PDE6D: variants seen among roughly 807,000 people sequenced by gnomAD.
PDE6D encodes phosphodiesterase 6D, also known as retinal rod rhodopsin-sensitive cGMP 3',5'-cyclic phosphodiesterase subunit delta.
In PDE6D, 10 loss-of-function variants were observed where a neutral mutation model predicts 21.9. That is an observed-to-expected ratio of 0.46 (90% CI 0.28 to 0.78). The LOEUF (loss-of-function observed/expected upper bound fraction) is 0.78, where lower values mean the gene tolerates loss of function less well. PDE6D is among the 30% of genes least tolerant of loss of function. PDE6D has a pLI of 0.12. For synonymous variants in PDE6D, 59 were observed against 63.5 expected, an observed-to-expected ratio of 0.93 and a Z score of 0.34; for missense variants, 139 against 184.8, an observed-to-expected ratio of 0.75 and a Z score of 1.44.
chr2:231,771,178 A>AG (rs2049012901), intron 1 of PDE6D, among the ~76,000 whole-genome samples: 2 of 151,670 alleles, frequency 1.3e-5, no homozygotes, highest in Non-Finnish European at 1.5e-5. Context: ...CGTGTTGGCC[A>AG]GGCTGGTCTC....
In PDE6D at chr2:231,739,109, C is replaced by G. The variant is rs773533899; in HGVS notation, c.130G>C (p.Glu44Gln). The G allele has an allele frequency of 6.2e-7, 1 of 1,607,502 alleles. No individual in the cohort carries two copies. The highest frequency in any genetic ancestry group is 1.7e-5 in the Admixed American group (1 of 59,904). ...AAGGGTTGGAAAGTACCTTCATGCT[C>G]CACACCAGGGACAGACAGGTCTTCT... ...GTEDLSVPGV[E>Q]HEARVPKKIL... The change falls in exon 2 of 5, where the codon GAG becomes CAG. Residue 44 changes from glutamate to glutamine, a missense_variant. Physicochemically the swap from Glu to Gln is conservative, Grantham distance 29 (BLOSUM62 2). Transcript: ENST00000287600. This position sits in a 1 kb window ranked among gnomAD's most constrained non-coding sequence, Gnocchi z 4.2.
chr2:231,775,598 C>T (rs937726481), intron 1 of PDE6D, among the ~76,000 whole-genome samples: 2 of 151,058 alleles, frequency 1.3e-5, no homozygotes, highest in African/African-American at 4.9e-5. Flanking sequence ...GCTGGGATTA[C>T]AGGCATGAGC....
intron 1 of PDE6D, among the ~76,000 whole-genome samples, chr2:231,760,948 T>C (rs1405553869): frequency 2.0e-5 from 3 of 152,164 alleles, no homozygotes; most frequent in Non-Finnish European, 4.4e-5. Context: ...GCCCTAACAA[T>C]GTCCAGGTAA....
At chr2:231,758,501 A>G (rs932953288) in intron 1 of PDE6D, among the ~76,000 whole-genome samples, 2 of 152,184 alleles carry the variant, frequency 1.3e-5, no homozygotes, top group African/African-American at 4.8e-5. Flanking sequence ...CATGTACAAC[A>G]GTGCTTCTCA....
chr2:231,739,653 A>G lies in PDE6D; in HGVS notation c.51-465T>C, dbSNP rs1156966731. 6.6e-6 allele frequency among the ~76,000 whole-genome samples: 1 copy of G among 151,596 alleles called. No individual in the cohort carries two copies. Among genetic ancestry groups the G allele is most frequent in the African/African-American group, 2.4e-5 (1 of 41,268 alleles). On this transcript the variant is annotated intron_variant, in intron 1 of 4. Coordinates refer to ENST00000287600, the MANE Select transcript of PDE6D (RefSeq NM_002601.4). This position sits in a 1 kb window ranked among gnomAD's most constrained non-coding sequence, Gnocchi z 4.2. ...GCCCCCTCTGTTTTTTTTTTTTGAA[A>G]CAGAGTCTCACTCTGTCACACAGGC...
chr2:231,736,321 C>CTT (rs139402410), intron 4 of PDE6D, among the ~76,000 whole-genome samples: 1 of 149,766 alleles, frequency 6.7e-6, no homozygotes, highest in Non-Finnish European at 1.5e-5. Flanking sequence ...GGGACTAACT[C>CTT]TTTTTTTTTT....
intron 1 of PDE6D, among the ~76,000 whole-genome samples, chr2:231,761,573 T>C (rs1203395150): frequency 6.6e-6 from 1 of 152,210 alleles, no homozygotes; most frequent in Non-Finnish European, 1.5e-5. Flanking sequence ...TCTAACAGTC[T>C]TGTTTAACTT....
chr2:231,746,501 G>A (rs922391724), intron 1 of PDE6D, among the ~76,000 whole-genome samples: 4 of 152,200 alleles, frequency 2.6e-5, no homozygotes, highest in Non-Finnish European at 5.9e-5. Flanking sequence ...GCCCAGGGAA[G>A]CCAAAAGATT....
chr2:231,743,737 A>T (rs2048769985), intron 1 of PDE6D, among the ~76,000 whole-genome samples: 1 of 151,962 alleles, frequency 6.6e-6, no homozygotes, highest in Non-Finnish European at 1.5e-5. Context: ...AAACAACTAA[A>T]TTCAAAAGCA....
rs1195520838 is a variant in PDE6D, at chr2:231,736,313, GACTA to G, written c.371+870_371+873del. Among the ~76,000 whole-genome samples, 6 of 149,012 alleles carry G rather than the reference GACTA, an allele frequency of 4.0e-5. No individual in the cohort carries two copies. The South Asian group carries it at 6.4e-4, about 16-fold the overall frequency. On this transcript the variant is annotated intron_variant, in intron 4 of 4. Coordinates refer to ENST00000287600, the MANE Select transcript of PDE6D (RefSeq NM_002601.4). ...TCCAATATTACACAATTATCTGTGG[GACTA>G]ACTCTTTTTTTTTTGAAATAGAGTC...
chr2:231,732,685 G>A lies in PDE6D; in HGVS notation c.*267C>T. 2.8e-6 allele frequency: 1 copy of A among 354,354 alleles called. No individual in the cohort carries two copies. Among genetic ancestry groups the A allele is most frequent in the South Asian group, 4.2e-5 (1 of 23,846 alleles). The allele number at this position is 354,354 out of a possible 1,614,324, so 22.0% of individuals were successfully genotyped here. ...TTTGTGGTATGTGTTTGTTCCCTGTGTGTATGCTGGGAAGGACTTGAGACC... is the reference window on the plus strand; with the variant it reads ...TTTGTGGTATGTGTTTGTTCCCTGTATGTATGCTGGGAAGGACTTGAGACC... On this transcript the variant is annotated 3_prime_UTR_variant, in exon 5 of 5. Coordinates refer to ENST00000287600, the MANE Select transcript of PDE6D (RefSeq NM_002601.4).
intron 3 of PDE6D, chr2:231,737,503 G>A (rs533664660): frequency 1.2e-4 from 60 of 494,884 alleles, no homozygotes; most frequent in African/African-American, 9.2e-4. Context: ...CTCATGCTTT[G>A]AGGTCTAAAG....
intron 1 of PDE6D, chr2:231,768,492 A>G (rs2048990175): frequency 1.3e-5 from 2 of 152,006 alleles, no homozygotes; most frequent in Admixed American, 6.6e-5. Flanking sequence ...GGTTCAGGCG[A>G]TTCTCCTGCC....
chr2:231,777,873 A>C (rs989775317), intron 1 of PDE6D, among the ~76,000 whole-genome samples: 1 of 152,258 alleles, frequency 6.6e-6, no homozygotes, highest in Non-Finnish European at 1.5e-5. Flanking sequence ...TAAAGAGCTA[A>C]ACATTGAAAA....
At chr2:231,737,160 A>C (rs768240897) in intron 4 of PDE6D, 27 bp downstream of exon 4, 3 of 1,379,342 alleles carry the variant, frequency 2.2e-6, no homozygotes, top group South Asian at 2.3e-5. Flanking sequence ...GACACACTTC[A>C]TAATTTCCTG....
In PDE6D at chr2:231,742,603, C is replaced by T. The variant is rs1035799213; in HGVS notation, c.51-3415G>A. Among the ~76,000 whole-genome samples, 6 of 152,124 alleles carry T rather than the reference C, an allele frequency of 3.9e-5. No homozygotes were observed. The South Asian group carries it at 6.2e-4, about 16-fold the overall frequency. On this transcript the variant is annotated intron_variant, in intron 1 of 4. Coordinates refer to ENST00000287600, the MANE Select transcript of PDE6D (RefSeq NM_002601.4). ...GTCTGCAAAAGATCGTTAATATTTG[C>T]GAAGAGACTGAGCTGCAGATAAATA... is the stretch of plus-strand genomic sequence containing the variant.
chr2:231,751,033 C>T (rs2048835378), intron 1 of PDE6D, among the ~76,000 whole-genome samples: 1 of 152,018 alleles, frequency 6.6e-6, no homozygotes, highest in Admixed American at 6.6e-5. Context: ...TCCTCATTAC[C>T]AATCTAGGGA....
chr2:231,733,012 T>A lies in PDE6D; in HGVS notation c.393A>T (p.Thr131=), dbSNP rs978815158. 6.2e-7 allele frequency: 1 copy of A among 1,610,342 alleles called. No homozygotes were observed. The highest frequency in any genetic ancestry group is 1.3e-5 in the African/African-American group (1 of 74,870). ...CAAGAAGATCGTCGTCAAAAAACTTTGTTTCTATGATAACGTTCCCACTGT... is the reference window on the plus strand; with the variant it reads ...CAAGAAGATCGTCGTCAAAAAACTTAGTTTCTATGATAACGTTCCCACTGT... ...SVLTGNVIIE[T]KFFDDDLLVS... is the part of the protein sequence containing the mutation. The change falls in exon 5 of 5, where the codon ACA becomes ACT. Residue 131 remains threonine (T), a synonymous_variant. Transcript: ENST00000287600.
Position 231,732,990 on chromosome 2 carries a change from G to C in PDE6D, c.415C>G (p.Leu139Val), listed in dbSNP as rs761753448. Residue 139 changes from leucine to valine, a missense_variant, in exon 5 of 5, where the codon CTT becomes GTT. By Grantham distance (32) the Leu-to-Val change is conservative. Coordinates refer to ENST00000287600, the MANE Select transcript of PDE6D (RefSeq NM_002601.4). ...IETKFFDDDL[L>V]VSTSRVRLFY... Reference sequence around the variant, plus strand: ...AGTCTCACTCTGGATGTGCTTACAAGAAGATCGTCGTCAAAAAACTTTGTT... The same window carrying C: ...AGTCTCACTCTGGATGTGCTTACAACAAGATCGTCGTCAAAAAACTTTGTT... 6.2e-7 allele frequency: 1 copy of C among 1,612,328 alleles called. No individual in the cohort carries two copies. Among genetic ancestry groups the C allele is most frequent in the African/African-American group, 1.3e-5 (1 of 74,890 alleles).
Sources: allele counts gnomAD v4.1 joint callset (sites outside exome capture counted in the v4.1 genomes callset), GRCh38; gene constraint gnomAD v4.1.1; non-coding constraint Gnocchi (gnomAD v3.1); transcripts MANE v1.5; gene names NCBI Gene and HGNC (gene_info 2026-07-23, HGNC 2026-07-21).